NFU1: variants seen among roughly 807,000 people sequenced by gnomAD.
NFU1 encodes NFU1 iron-sulfur cluster scaffold.
NFU1 carries 30 observed loss-of-function variants against 32.2 expected under a neutral mutation model. The observed-to-expected ratio is 0.93, with a 90% CI of 0.70 to 1.26. The LOEUF (loss-of-function observed/expected upper bound fraction) is 1.26, where lower values mean the gene tolerates loss of function less well. NFU1 is among the 50% of genes most tolerant of loss of function. The pLI, the probability that NFU1 is intolerant of heterozygous loss-of-function variation, is 0.00. For synonymous variants in NFU1, 112 were observed against 104.6 expected, an observed-to-expected ratio of 1.07 and a Z score of -0.43; for missense variants, 306 against 306.6, an observed-to-expected ratio of 1.00 and a Z score of 0.02.
chr2:69,427,059 CA>C (rs756433492), intron 2 of NFU1, among the ~76,000 whole-genome samples: 85 of 75,150 alleles, frequency 1.1e-3, no homozygotes, highest in Middle Eastern at 8.8e-3. Context: ...GACTAGGTCT[CA>C]AAAAAAAAAA....
At chr2:69,428,920 G>A (rs950141054) in intron 2 of NFU1, among the ~76,000 whole-genome samples, 3 of 152,192 alleles carry the variant, frequency 2.0e-5, no homozygotes, top group Admixed American at 6.5e-5. Flanking sequence ...CCAGCTAGCT[G>A]AAGTTAAACC....
chr2:69,429,256 A>G (rs527263744), intron 2 of NFU1, among the ~76,000 whole-genome samples: 7 of 152,308 alleles, frequency 4.6e-5, no homozygotes, highest in African/African-American at 4.8e-5. Flanking sequence ...TACTCTACCA[A>G]TATTTGAAAA....
upstream of NFU1, among the ~76,000 whole-genome samples, chr2:69,439,259 G>C (rs150550914): frequency 2.0e-5 from 3 of 152,120 alleles, no homozygotes; most frequent in Non-Finnish European, 4.4e-5. Context: ...TACTGTGTCC[G>C]GAATTGGTGG....
upstream of NFU1, among the ~76,000 whole-genome samples, chr2:69,437,803 C>T (rs926206754): frequency 3.3e-5 from 5 of 152,210 alleles, no homozygotes; most frequent in African/African-American, 7.2e-5. Context: ...AGCCTCCAGG[C>T]CCAGCTCAGT....
intron 5 of NFU1, among the ~76,000 whole-genome samples, chr2:69,410,395 A>C (rs1318685413): frequency 6.6e-6 from 1 of 152,168 alleles, no homozygotes; most frequent in African/African-American, 2.4e-5. Context: ...TCTCAAAAAA[A>C]ACCCAAAAAA....
At chr2:69,425,345 T>C (rs1026230055) in intron 2 of NFU1, among the ~76,000 whole-genome samples, 1 of 123,380 alleles carries the variant, frequency 8.1e-6, no homozygotes, top group Non-Finnish European at 1.6e-5. Flanking sequence ...AGTGCTTTAT[T>C]TATTTATTTT....
intron 2 of NFU1, among the ~76,000 whole-genome samples, chr2:69,425,612 C>A (rs1250005780): frequency 1.3e-5 from 2 of 152,174 alleles, no homozygotes; most frequent in Non-Finnish European, 2.9e-5. Context: ...ACCTCAGCCT[C>A]CCAAAGTGGT....
intron 5 of NFU1, among the ~76,000 whole-genome samples, chr2:69,409,683 G>A (rs114269457): frequency 2.4e-3 from 368 of 152,258 alleles, no homozygotes; most frequent in African/African-American, 8.5e-3. Flanking sequence ...GAGATCACAT[G>A]GTGAGACAGG....
At chr2:69,413,839 G>C (rs1332401059) in intron 5 of NFU1, among the ~76,000 whole-genome samples, 2 of 151,888 alleles carry the variant, frequency 1.3e-5, no homozygotes, top group Non-Finnish European at 2.9e-5. Context: ...ATGAGGTCTG[G>C]AGTTCAAGAC....
At chr2:69,426,154 T>C (rs1035490150) in intron 2 of NFU1, among the ~76,000 whole-genome samples, 9 of 152,044 alleles carry the variant, frequency 5.9e-5, no homozygotes, top group Non-Finnish European at 1.2e-4. Flanking sequence ...TGATTTTTTG[T>C]AGAGAAGGGG....
At chr2:69,434,707 T>A (rs1167168014) in intron 1 of NFU1, among the ~76,000 whole-genome samples, 1 of 152,186 alleles carries the variant, frequency 6.6e-6, no homozygotes, top group Non-Finnish European at 1.5e-5. Flanking sequence ...TAATTGCCAA[T>A]GGGTTCACTT....
At chr2:69,411,619 G>A (rs1672881381) in intron 5 of NFU1, among the ~76,000 whole-genome samples, 1 of 151,958 alleles carries the variant, frequency 6.6e-6, no homozygotes, top group South Asian at 2.1e-4. Context: ...AAGAGATGTG[G>A]TCTAGTTCTA....
chr2:69,399,210 CAAAAA>C (rs752746093), intron 7 of NFU1: 240 of 200,458 alleles, frequency 1.2e-3, no homozygotes, highest in South Asian at 1.5e-3. Context: ...ATTCTGTCTC[CAAAAA>C]AAAAAAAAAA....
chr2:69,399,241 G>T, intron 7 of NFU1: 2 of 333,106 alleles, frequency 6.0e-6, no homozygotes, highest in East Asian at 9.7e-5. Flanking sequence ...TGAATTACCT[G>T]AAATTCTGTG....
intron 3 of NFU1, among the ~76,000 whole-genome samples, chr2:69,420,984 A>T (rs183061210): frequency 2.1e-3 from 316 of 152,260 alleles, no homozygotes; most frequent in African/African-American, 7.2e-3. Context: ...AGGACAGAAC[A>T]CTTGAGCTCA....
rs771419032 is a variant in NFU1 at position 69,400,564 on chromosome 2, CAT to C, written c.546-28_546-27del. 2.1e-5 allele frequency: 33 copies of C among 1,596,076 alleles called. No homozygotes were observed. The South Asian group carries it at 3.4e-4, about 17-fold the overall frequency. ...CTGTGAGGTCAAAGAATATTTATGA[CAT>C]ATTCTTTAAAATACAAGTTTTCATT... On this transcript the variant is annotated intron_variant, in intron 6 of 7. Transcript: ENST00000410022.
rs193247133 is a variant in NFU1 at position 69,430,986 on chromosome 2, C to A, written c.166+916G>T. 2.6e-5 allele frequency among the ~76,000 whole-genome samples: 4 copies of A among 152,294 alleles called. No individual in the cohort carries two copies. The East Asian group carries it at 7.7e-4, about 29-fold the overall frequency. The stretch of plus-strand genomic sequence containing the variant: ...ACATACACACATGCAGACACACATA[C>A]CCTCTCCCCTTAAACTTCCCTAACT... On this transcript the variant is annotated intron_variant, in intron 2 of 7. Transcript: ENST00000410022.
At chr2:69,401,578 G>A (rs1460096873) in intron 6 of NFU1, among the ~76,000 whole-genome samples, 1 of 152,152 alleles carries the variant, frequency 6.6e-6, no homozygotes, top group Admixed American at 6.5e-5. Context: ...AAGATTCTTA[G>A]AAATGTCTTT....
At position 69,428,371 on chromosome 2, in the gene NFU1, G is replaced by A. The variant is rs375240012; in HGVS notation, c.166+3531C>T. On this transcript the variant is annotated intron_variant, in intron 2 of 7. Coordinates refer to ENST00000410022, the MANE Select transcript of NFU1 (RefSeq NM_001002755.4). The stretch of plus-strand genomic sequence containing the variant: ...ACCCAGGAGAGGGAGGTTGCAGTGA[G>A]CCAAGATCCAGCCACCACGCACTCC... Among the ~76,000 whole-genome samples the A allele has an allele frequency of 6.7e-4, 102 of 151,952 alleles. 3 individuals carry two copies. The South Asian group carries it at 0.021, about 31-fold the overall frequency.
Sources: gnomAD v4.1 joint callset for allele counts (sites outside exome capture counted in the v4.1 genomes callset) on GRCh38, gnomAD v4.1.1 for gene constraint, MANE v1.5 for transcripts, NCBI Gene and HGNC (gene_info 2026-07-23, HGNC 2026-07-21) for gene names.